EVC: variants seen among roughly 807,000 people sequenced by gnomAD.
The protein encoded by EVC is evC complex member EVC.
EVC carries 116 observed loss-of-function variants against 118.9 expected under a neutral mutation model. That is an observed-to-expected ratio of 0.98 (90% confidence interval 0.84 to 1.14). The LOEUF is 1.14. EVC is among the 50% of genes most tolerant of loss of function. The pLI is 0.00. For missense variants in EVC, 1,401 were observed against 1,246.4 expected, an observed-to-expected ratio of 1.12 and a Z score of -1.87; for synonymous variants, 619 against 534.7, an observed-to-expected ratio of 1.16 and a Z score of -2.18.
In EVC at chr4:5,756,512, A is replaced by G. The variant is rs556639429; in HGVS notation, c.1563+150A>G. 4.6e-4 allele frequency: 329 copies of G among 711,994 alleles called. No individual in the cohort carries two copies. The African/African-American group carries it at 5.3e-3, about 11-fold the overall frequency. 44.1% of individuals were successfully genotyped at this position (711,994 alleles called of 1,614,324 possible). On this transcript the variant is annotated intron_variant, in intron 11 of 20. Transcript: ENST00000264956. This position sits in a 1 kb window ranked among gnomAD's most constrained non-coding sequence, Gnocchi z 4.2. ...GATCCACGCAGGCTGTGTCCCCTCC[A>G]TGCGATCCTCCTTGCCCACATCAGA...
intron 11 of EVC, among the ~76,000 whole-genome samples, chr4:5,774,004 A>T (rs1413855088): frequency 6.6e-6 from 1 of 151,990 alleles, no homozygotes; most frequent in African/African-American, 2.4e-5. Flanking sequence ...CTGAACCTTC[A>T]TTGGTGCATC....
chr4:5,798,534 C>G lies in EVC; in HGVS notation c.2098-52C>G. The G allele has an allele frequency of 1.3e-6, 2 of 1,531,068 alleles. No individual in the cohort carries two copies. The allele number at this position is 1,531,068 out of a possible 1,614,324, so 94.8% of individuals were successfully genotyped here. A position where few individuals can be genotyped will look rare whatever the true frequency, so the allele number is the denominator to read the frequency against. ...CCCCACATCCCAGTCCTGGCCAGAG[C>G]TTCTCTGTGAGAGGAGCACTTGGCC... On this transcript the variant is annotated intron_variant, in intron 14 of 20. Coordinates refer to ENST00000264956, the MANE Select transcript of EVC (RefSeq NM_153717.3). This position sits in a 1 kb window ranked among gnomAD's most constrained non-coding sequence, Gnocchi z 4.1.
chr4:5,711,652 C>A, intron 1 of EVC, 98 bp downstream of exon 1: 1 of 964,558 alleles, frequency 1.0e-6, no homozygotes, highest in Non-Finnish European at 1.3e-6. Context: ...ACTCCTTGAG[C>A]CTGGTTGGGA....
At position 5,753,948 on chromosome 4, in the gene EVC, C is replaced by T. The variant is rs933791675; in HGVS notation, c.1464+15C>T. On this transcript the variant is annotated intron_variant, in intron 10 of 20. Transcript: ENST00000264956. ...AGTTTCTCGAGGTGACTCACATCCC[C>T]AGCCTCTGCACATGTGGGTGAGCCA... The T allele has an allele frequency of 6.2e-6, 10 of 1,612,548 alleles. No homozygotes were observed. Among genetic ancestry groups the T allele is most frequent in the South Asian group, 2.2e-5 (2 of 90,994 alleles).
chr4:5,749,663 C>T lies in EVC; in HGVS notation c.1098+1357C>T, dbSNP rs1479418393. On this transcript the variant is annotated intron_variant, in intron 8 of 20. Coordinates refer to ENST00000264956, the MANE Select transcript of EVC (RefSeq NM_153717.3). This position sits in a 1 kb window ranked among gnomAD's most constrained non-coding sequence, Gnocchi z 4.4. Reference sequence around the variant, plus strand: ...ACACATTGGGCTCATCCTGTGTGCGCCAGTGTGTACTAGGGCCAGGGAACG... The same window carrying T: ...ACACATTGGGCTCATCCTGTGTGCGTCAGTGTGTACTAGGGCCAGGGAACG... Among the ~76,000 whole-genome samples the T allele has an allele frequency of 6.6e-6, 1 of 152,162 alleles. No individual in the cohort carries two copies. The highest frequency in any genetic ancestry group is 1.5e-5 in the Non-Finnish European group (1 of 68,042).
rs188647835 is a variant in EVC at position 5,719,440 on chromosome 4, C to T, written c.300+67C>T. 8.0e-5 allele frequency: 129 copies of T among 1,610,868 alleles called. No individual in the cohort carries two copies. The Middle Eastern group carries it at 9.2e-4, about 11-fold the overall frequency. Reference sequence around the variant, plus strand: ...GAGGTGGGGTATTCCCCCTGGAAGCCGGGTGTCATGTAGACAAGCCTCTGA... The same window carrying T: ...GAGGTGGGGTATTCCCCCTGGAAGCTGGGTGTCATGTAGACAAGCCTCTGA... On this transcript the variant is annotated intron_variant, in intron 2 of 20. Coordinates refer to ENST00000264956, the MANE Select transcript of EVC (RefSeq NM_153717.3). This position sits in a 1 kb window ranked among gnomAD's most constrained non-coding sequence, Gnocchi z 4.7.
intron 13 of EVC, among the ~76,000 whole-genome samples, chr4:5,796,062 C>T (rs557842837): frequency 2.6e-5 from 4 of 152,250 alleles, no homozygotes; most frequent in South Asian, 2.1e-4. Flanking sequence ...TCCAGCCACT[C>T]TCTCTTCAGC....
intron 2 of EVC, among the ~76,000 whole-genome samples, chr4:5,728,447 T>A (rs2151912881): frequency 6.6e-6 from 1 of 152,162 alleles, no homozygotes; most frequent in East Asian, 1.9e-4. Flanking sequence ...TTGCTGAAGT[T>A]GCTTATCAGC....
At chr4:5,828,453 C>G in the EVC span, 2 of 1,601,982 alleles carry the variant, frequency 1.2e-6, no homozygotes, top group Non-Finnish European at 1.7e-6. Context: ...GGCTCTGGTC[C>G]CACGGGTGGG....
intron 8 of EVC, among the ~76,000 whole-genome samples, 190 bp downstream of exon 8, chr4:5,748,496 C>T (rs895721299): frequency 1.3e-5 from 2 of 152,094 alleles, no homozygotes; most frequent in African/African-American, 4.8e-5. Context: ...ATCCACCCAT[C>T]CATCCACCCA....
intron 2 of EVC, among the ~76,000 whole-genome samples, chr4:5,723,083 C>A (rs575572494): frequency 1.3e-5 from 2 of 152,280 alleles, no homozygotes; most frequent in East Asian, 1.9e-4. Context: ...TCAGGTGGAG[C>A]CTTCCTGCCA....
At chr4:5,827,841 G>C in the EVC span, among the ~76,000 whole-genome samples, 1 of 152,168 alleles carries the variant, frequency 6.6e-6, no homozygotes, top group Non-Finnish European at 1.5e-5. Context: ...GGAAGATGTT[G>C]GCCACGGGCG....
At position 5,729,542 on chromosome 4, in the gene EVC, G is replaced by A. The variant is rs551724650; in HGVS notation, c.384+152G>A. 18 of 796,454 alleles carry A rather than the reference G, an allele frequency of 2.3e-5. 1 individual carries two copies. Among genetic ancestry groups the A allele is most frequent in the South Asian group, 1.2e-4 (8 of 68,920 alleles). The allele number at this position is 796,454 out of a possible 1,614,324, so 49.3% of individuals were successfully genotyped here. ...TAGTAGGGATAGTTTTGAGGCTCAG[G>A]AACAGGACATGCCCATGGTAACCAC... On this transcript the variant is annotated intron_variant, in intron 3 of 20. Coordinates refer to ENST00000264956, the MANE Select transcript of EVC (RefSeq NM_153717.3).
chr4:5,827,168 A>G, the EVC span, among the ~76,000 whole-genome samples: 4 of 152,196 alleles, frequency 2.6e-5, no homozygotes, highest in African/African-American at 7.2e-5. Flanking sequence ...TTGGGGTCAG[A>G]TATCTGCCCT....
chr4:5,732,371 T>G (rs73795031), intron 4 of EVC, among the ~76,000 whole-genome samples: 26,515 of 152,206 alleles, frequency 0.17, 3,155 homozygotes, highest in African/African-American at 0.34. Context: ...AACACTGGGC[T>G]CAGCACCTTG....
intron 8 of EVC, 31 bp downstream of exon 8, chr4:5,748,337 A>G: frequency 6.2e-7 from 1 of 1,612,940 alleles, no homozygotes; most frequent in Non-Finnish European, 8.5e-7. Context: ...AGGGAACATA[A>G]AGATATTCAG....
intron 2 of EVC, among the ~76,000 whole-genome samples, chr4:5,723,142 T>G (rs1461686828): frequency 6.6e-6 from 1 of 151,856 alleles, no homozygotes; most frequent in Non-Finnish European, 1.5e-5. Flanking sequence ...CATCCCCAGG[T>G]GCTGCGCCTA....
chr4:5,798,631 C>A lies in EVC; in HGVS notation c.2143C>A (p.Gln715Lys), dbSNP rs971647538. 1 of 1,589,868 alleles carries A rather than the reference C, an allele frequency of 6.3e-7. No individual in the cohort carries two copies. The highest frequency in any genetic ancestry group is 8.5e-7 in the Non-Finnish European group (1 of 1,169,754). The part of the protein sequence containing the change: ...EEASRLEEEA[Q>K]QTRLQLQQRL... ...GGCCAGCCGGCTAGAGGAGGAAGCA[C>A]AGCAGACACGGCTGCAGCTCCAGCA... Residue 715 changes from glutamine (Q) to lysine (K), a missense_variant, in exon 15 of 21, where the codon CAG becomes AAG. By Grantham distance (53) the Gln-to-Lys change is moderately conservative (BLOSUM62 1). Transcript: ENST00000264956. The surrounding 1 kb of genome is among the most constrained non-coding windows in gnomAD (Gnocchi z 4.1).
chr4:5,797,013 T>C lies in EVC; in HGVS notation c.1887-9T>C. ...CATTGACCCCACCCCTCACCTGCTT[T>C]CCTCAAAGGTCCACGCGGTGTGTCC... On this transcript the variant is annotated splice_polypyrimidine_tract_variant and intron_variant, in intron 13 of 20. Transcript: ENST00000264956. 6.2e-7 allele frequency: 1 copy of C among 1,608,582 alleles called. No homozygotes were observed. The highest frequency in any genetic ancestry group is 8.5e-7 in the Non-Finnish European group (1 of 1,175,932).
Sources: gnomAD v4.1 joint callset for allele counts (sites outside exome capture counted in the v4.1 genomes callset) on GRCh38, gnomAD v4.1.1 for gene constraint, Gnocchi (gnomAD v3.1) non-coding constraint, MANE v1.5 for transcripts, NCBI Gene and HGNC (gene_info 2026-07-23, HGNC 2026-07-21) for gene names.